Variants in ACAD9 observed in about 807,000 individuals in gnomAD.
ACAD9 encodes acyl-CoA dehydrogenase family member 9, also known as complex I assembly factor ACAD9, mitochondrial.
Under a neutral mutation model 70.2 loss-of-function variants are expected in ACAD9, and 53 were observed. The observed-to-expected ratio is 0.75, with a 90% confidence interval of 0.61 to 0.95. The LOEUF is 0.95. Ranked by LOEUF, ACAD9 falls within the 40% of genes least tolerant of loss-of-function variation. The pLI is 0.00. For missense variants in ACAD9, 777 were observed against 802.8 expected (o/e 0.97, Z 0.39); for synonymous variants, 313 against 312.1 (o/e 1.00, Z -0.03).
chr3:128,896,768 T>G (rs1935581873), intron 5 of ACAD9, among the ~76,000 whole-genome samples: 1 of 152,206 alleles, frequency 6.6e-6, no homozygotes, highest in Admixed American at 6.5e-5. Context: ...TTAAATAAAT[T>G]TTTGTGGTTT....
intron 14 of ACAD9, 62 bp from the exon 15 acceptor site, chr3:128,909,282 G>A: frequency 1.2e-6 from 2 of 1,604,032 alleles, no homozygotes; most frequent in Non-Finnish European, 8.5e-7. Flanking sequence ...TACCCGGGCT[G>A]TGAGACAGGA....
intron 6 of ACAD9, among the ~76,000 whole-genome samples, chr3:128,898,235 C>T (rs1401002120): frequency 6.6e-6 from 1 of 152,136 alleles, no homozygotes; most frequent in Non-Finnish European, 1.5e-5. Context: ...GGCCCTAACT[C>T]CGGCAGTCAC....
At chr3:128,906,047 A>G in intron 11 of ACAD9, 74 bp from the exon 12 acceptor site, 2 of 1,608,636 alleles carry the variant, frequency 1.2e-6, no homozygotes, top group African/African-American at 2.7e-5. Context: ...TGTGCCTCCC[A>G]TGCCTCCCCA....
chr3:128,908,829 G>C (rs1187697701), intron 13 of ACAD9, 144 bp from the exon 14 acceptor site: 3 of 1,302,222 alleles, frequency 2.3e-6, no homozygotes, highest in African/African-American at 2.9e-5. Context: ...TGGTGGGTTT[G>C]GGGGGGTTCA....
rs1439478190 is a variant in ACAD9 at position 128,881,164 on chromosome 3, G to A, written c.150+1323G>A. ...AGCAGTTTGCCCAGCTAGAAAGTGCGGAGCTATGTCTTGAACATATTGGAA... is the reference window on the plus strand; with the variant it reads ...AGCAGTTTGCCCAGCTAGAAAGTGCAGAGCTATGTCTTGAACATATTGGAA... On this transcript the variant is annotated intron_variant, in intron 1 of 17. Coordinates refer to ENST00000308982, the MANE Select transcript of ACAD9 (RefSeq NM_014049.5). Among the ~76,000 whole-genome samples, 12 of 152,186 alleles carry A rather than the reference G, an allele frequency of 7.9e-5. No homozygotes were observed. The East Asian group carries it at 2.1e-3, about 27-fold the overall frequency.
At chr3:128,880,869 C>T (rs982290963) in intron 1 of ACAD9, among the ~76,000 whole-genome samples, 1 of 152,214 alleles carries the variant, frequency 6.6e-6, no homozygotes, top group African/African-American at 2.4e-5. Context: ...ACGGCTGCAC[C>T]TCCCTGTGCC....
At chr3:128,900,394 C>G (rs115225846) in intron 7 of ACAD9, among the ~76,000 whole-genome samples, 1 of 152,148 alleles carries the variant, frequency 6.6e-6, no homozygotes, top group African/African-American at 2.4e-5. Flanking sequence ...CCTGCCACCA[C>G]GTCCGGCTAA....
At chr3:128,908,298 C>T (rs372898107) in intron 13 of ACAD9, 34 bp downstream of exon 13, 3 of 1,610,186 alleles carry the variant, frequency 1.9e-6, no homozygotes, top group African/African-American at 2.7e-5. Context: ...CTTCTCAGGT[C>T]CCATACCTGC....
At chr3:128,899,956 T>C (rs1257954442) in intron 7 of ACAD9, among the ~76,000 whole-genome samples, 1 of 152,152 alleles carries the variant, frequency 6.6e-6, no homozygotes, top group African/African-American at 2.4e-5. Flanking sequence ...GTGGGAGACA[T>C]AGTCTCCCTC....
In ACAD9 at chr3:128,912,684, G is replaced by A. The variant is rs1489581061; in HGVS notation, c.*77G>A. 2 of 1,289,480 alleles carry A rather than the reference G, an allele frequency of 1.6e-6. No homozygotes were observed. Among genetic ancestry groups the A allele is most frequent in the Non-Finnish European group, 2.3e-6 (2 of 886,132 alleles). The allele number at this position is 1,289,480 out of a possible 1,614,324, so 79.9% of individuals were successfully genotyped here. ...CTGGATGACTGTTACTCTTTTTTCA[G>A]AAGGTGTTGGGATTATCACAGGTTA... On this transcript the variant is annotated 3_prime_UTR_variant, in exon 18 of 18. Coordinates refer to ENST00000308982, the MANE Select transcript of ACAD9 (RefSeq NM_014049.5).
chr3:128,905,386 TG>T (rs987654416), intron 11 of ACAD9, among the ~76,000 whole-genome samples: 3 of 152,172 alleles, frequency 2.0e-5, no homozygotes, highest in African/African-American at 4.8e-5. Context: ...TGGCCACACT[TG>T]GGGGGACCCT....
intron 1 of ACAD9, among the ~76,000 whole-genome samples, chr3:128,880,980 C>T (rs1935075700): frequency 6.6e-6 from 1 of 152,144 alleles, no homozygotes; most frequent in Non-Finnish European, 1.5e-5. Context: ...CTTGCTATTT[C>T]GTCGAGGTGC....
intron 2 of ACAD9, among the ~76,000 whole-genome samples, chr3:128,892,954 A>G (rs1031397525): frequency 1.7e-4 from 26 of 152,324 alleles, no homozygotes; most frequent in Admixed American, 1.6e-3. Flanking sequence ...CATCCCATGA[A>G]TGTATATAAT....
At chr3:128,909,283 T>G (rs1261506227) in intron 14 of ACAD9, 61 bp from the exon 15 acceptor site, 2 of 1,602,348 alleles carry the variant, frequency 1.2e-6, no homozygotes, top group African/African-American at 2.7e-5. Context: ...ACCCGGGCTG[T>G]GAGACAGGAC....
At chr3:128,880,227 TGG>T (rs1935047939) in intron 1 of ACAD9, 2 of 374,962 alleles carry the variant, frequency 5.3e-6, no homozygotes, top group Non-Finnish European at 1.0e-5. Context: ...TCCAGCGCCC[TGG>T]GGCTTCCTTC....
At chr3:128,897,118 C>T (rs148077236) in intron 5 of ACAD9, among the ~76,000 whole-genome samples, 34 of 152,300 alleles carry the variant, frequency 2.2e-4, no homozygotes, top group African/African-American at 7.7e-4. Context: ...TTTTCACTGC[C>T]GCTTTTTTAC....
At chr3:128,904,214 A>C (rs1935823601) in intron 10 of ACAD9, 82 bp downstream of exon 10, 4 of 1,582,724 alleles carry the variant, frequency 2.5e-6, no homozygotes, top group Non-Finnish European at 3.5e-6. Flanking sequence ...TGTACTGGTG[A>C]CTTCTGTGGT....
At chr3:128,882,330 C>T (rs956636984) in intron 1 of ACAD9, among the ~76,000 whole-genome samples, 15 of 152,330 alleles carry the variant, frequency 9.8e-5, no homozygotes, top group Admixed American at 3.9e-4. Flanking sequence ...AATGGTGGCT[C>T]TGTTGTTCCA....
In ACAD9 at chr3:128,908,269, G is replaced by C; in HGVS notation, c.1358+5G>C. ...CATCCTGACTACCAGGATCCAGTAG[G>C]TGCCATTGTCACCGTGTGCTTCTCA... On this transcript the variant is annotated splice_donor_5th_base_variant and intron_variant, in intron 13 of 17. Transcript: ENST00000308982. The C allele has an allele frequency of 6.2e-7, 1 of 1,614,094 alleles. No homozygotes were observed. The highest frequency in any genetic ancestry group is 8.5e-7 in the Non-Finnish European group (1 of 1,180,016).
Sources: allele counts gnomAD v4.1 joint callset (sites outside exome capture counted in the v4.1 genomes callset), GRCh38; gene constraint gnomAD v4.1.1; transcripts MANE v1.5; gene names NCBI Gene and HGNC (gene_info 2026-07-23, HGNC 2026-07-21).